The following KALRN variants were observed in gnomAD, a reference collection of about 807,000 sequenced individuals.
KALRN encodes the protein kalirin.
A neutral mutation model predicts 353.7 loss-of-function variants in KALRN; 70 were observed. The ratio of observed to expected loss-of-function variants is 0.20; its 90% CI spans 0.16 to 0.24. The LOEUF (loss-of-function observed/expected upper bound fraction) is 0.24. KALRN is among the 10% of genes least tolerant of loss of function. KALRN has a pLI of 1.00. For synonymous variants in KALRN, 1,391 were observed against 1,434.8 expected (o/e 0.97, Z 0.69); for missense variants, 2,791 against 3,756.7 (o/e 0.74, Z 6.72).
intron 28 of KALRN, among the ~76,000 whole-genome samples, chr3:124,485,090 C>A (rs144181320): frequency 2.6e-5 from 4 of 151,782 alleles, no homozygotes; most frequent in Admixed American, 6.6e-5. Context: ...GGTGAGACTC[C>A]GTCTCAAAAA....
chr3:124,322,423 T>C (rs2079430799), intron 6 of KALRN, among the ~76,000 whole-genome samples: 1 of 152,226 alleles, frequency 6.6e-6, no homozygotes, highest in Admixed American at 6.5e-5. Flanking sequence ...CCAGTGATTT[T>C]AATGCCCTTG....
chr3:124,123,991 C>T (rs975590175), intron 1 of KALRN, among the ~76,000 whole-genome samples: 7 of 152,232 alleles, frequency 4.6e-5, no homozygotes, highest in Admixed American at 4.6e-4. Flanking sequence ...TGCCTGCTAA[C>T]ACAACATCCT....
chr3:124,153,605 T>G (rs1473997567), intron 1 of KALRN, among the ~76,000 whole-genome samples: 1 of 151,218 alleles, frequency 6.6e-6, no homozygotes, highest in African/African-American at 2.4e-5. Flanking sequence ...TATAGCAGCA[T>G]GATTTATAAT....
At chr3:124,158,809 G>A (rs541850312) in intron 1 of KALRN, among the ~76,000 whole-genome samples, 5 of 152,156 alleles carry the variant, frequency 3.3e-5, no homozygotes, top group African/African-American at 1.2e-4. Flanking sequence ...TAAAGCTCTG[G>A]CTCTGGAGCC....
Position 124,721,392 on chromosome 3 carries a change from A to G in KALRN, c.*1922A>G, listed in dbSNP as rs1440710508. The G allele has an allele frequency of 6.6e-6, 1 of 152,210 alleles. No individual in the cohort carries two copies. The highest frequency in any genetic ancestry group is 1.5e-5 in the Non-Finnish European group (1 of 68,028). 9.4% of individuals were successfully genotyped at this position (152,210 alleles called of 1,614,324 possible). A position where few individuals can be genotyped will look rare whatever the true frequency, so the allele number is the denominator to read the frequency against. On this transcript the variant is annotated 3_prime_UTR_variant, in exon 60 of 60. Coordinates refer to ENST00000682506, the MANE Select transcript of KALRN (RefSeq NM_001388419.1). ...CTGGGTCATAAAGCCTCACTCCCTC[A>G]GAGGTCTCTCGACTAACCCCTATAG... is the stretch of plus-strand genomic sequence containing the variant.
At position 124,456,728 on chromosome 3, in the gene KALRN, A is replaced by AGTAC; in HGVS notation, c.3854+3_3854+6dup. ...AAGCGGAAGTCAGCCCGGAAGAAAG[A>AGTAC]GTACGTGTTGGCTTCCGCCCAGCTA... On this transcript the variant is annotated frameshift_variant and splice_region_variant. Transcript: ENST00000682506. LOFTEE classifies it high-confidence loss of function. 6.2e-7 allele frequency: 1 copy of AGTAC among 1,609,494 alleles called. No homozygotes were observed. Among genetic ancestry groups the AGTAC allele is most frequent in the African/African-American group, 1.3e-5 (1 of 74,924 alleles).
At chr3:124,207,574 A>G (rs768797171) in intron 1 of KALRN, among the ~76,000 whole-genome samples, 1 of 152,172 alleles carries the variant, frequency 6.6e-6, no homozygotes, top group Non-Finnish European at 1.5e-5. Flanking sequence ...AGACAGATCT[A>G]TATGTATGAG....
chr3:124,425,857 A>G (rs2092991653), intron 15 of KALRN, among the ~76,000 whole-genome samples: 1 of 152,210 alleles, frequency 6.6e-6, no homozygotes, highest in Non-Finnish European at 1.5e-5. Context: ...GACTGTCTAT[A>G]TATAAATAAT....
chr3:124,051,002 A>G (rs1185116022), intron 1 of KALRN, among the ~76,000 whole-genome samples: 1 of 152,246 alleles, frequency 6.6e-6, no homozygotes, highest in African/African-American at 2.4e-5. Flanking sequence ...TATTTTAAAA[A>G]GTATTACCCT....
At chr3:124,205,304 C>G (rs2076318562) in intron 1 of KALRN, among the ~76,000 whole-genome samples, 1 of 152,186 alleles carries the variant, frequency 6.6e-6, no homozygotes, top group Admixed American at 6.5e-5. Flanking sequence ...GAAACCAGAA[C>G]AAGCAGGCTC....
At chr3:124,268,656 T>G in intron 4 of KALRN, 87 bp from the exon 5 acceptor site, 1 of 1,379,546 alleles carries the variant, frequency 7.2e-7, no homozygotes, top group Non-Finnish European at 1.0e-6. Flanking sequence ...ATTATGTGGA[T>G]TTATCTTGTC....
intron 34 of KALRN, among the ~76,000 whole-genome samples, chr3:124,586,426 G>A (rs920410798): frequency 6.6e-6 from 1 of 152,188 alleles, no homozygotes; most frequent in African/African-American, 2.4e-5. Flanking sequence ...GAGTCCAGAT[G>A]TGTGACAGCC....
chr3:124,512,543 C>T (rs1042625619), intron 33 of KALRN, among the ~76,000 whole-genome samples: 4 of 152,086 alleles, frequency 2.6e-5, no homozygotes, highest in African/African-American at 9.7e-5. Context: ...CCCAGCTACT[C>T]AGGAGGCTGA....
intron 10 of KALRN, among the ~76,000 whole-genome samples, chr3:124,357,965 A>G (rs941535481): frequency 6.6e-6 from 1 of 152,168 alleles, no homozygotes; most frequent in African/African-American, 2.4e-5. Context: ...TCTAAGAATG[A>G]TAAGAGAGGT....
Position 124,140,435 on chromosome 3 carries a change from T to A in KALRN, c.74-87555T>A, listed in dbSNP as rs558263044. ...GCTGCATTTATAGAGCTCTTCTCTGTCTCTGTCAGACCTTATCTTGAGGAT... is the reference window on the plus strand; with the variant it reads ...GCTGCATTTATAGAGCTCTTCTCTGACTCTGTCAGACCTTATCTTGAGGAT... On this transcript the variant is annotated intron_variant, in intron 1 of 59. Coordinates refer to ENST00000682506, the MANE Select transcript of KALRN (RefSeq NM_001388419.1). Among the ~76,000 whole-genome samples the A allele has an allele frequency of 3.3e-5, 5 of 152,350 alleles. No individual in the cohort carries two copies. The East Asian group carries it at 9.6e-4, about 29-fold the overall frequency.
At chr3:124,666,681 C>G (rs749812653) in intron 46 of KALRN, 47 bp downstream of exon 46, 1 of 1,506,968 alleles carries the variant, frequency 6.6e-7, no homozygotes, top group Non-Finnish European at 9.2e-7. Context: ...GAGCCCAGTT[C>G]TTGGGAGCTG....
In KALRN at chr3:124,496,337, A is replaced by C; in HGVS notation, c.4859A>C (p.Gln1620Pro). 6.2e-7 allele frequency: 1 copy of C among 1,605,322 alleles called. No individual in the cohort carries two copies. The highest frequency in any genetic ancestry group is 8.5e-7 in the Non-Finnish European group (1 of 1,176,058). Residue 1620 changes from glutamine to proline, a missense_variant, in exon 33 of 60, where the codon CAG (glutamine) becomes CCG (proline). By Grantham distance (76) the Gln-to-Pro change is moderately conservative. Transcript: ENST00000682506. The stretch of plus-strand genomic sequence containing the variant: ...GATGGAGTGGAGGATATTGACAGCC[A>C]GGGGGATGGGAGCAGCCAACCAGAC... ...KRDGVEDIDS[Q>P]GDGSSQPDTI...
At chr3:124,327,640 C>T (rs186618594) in intron 7 of KALRN, among the ~76,000 whole-genome samples, 12 of 152,306 alleles carry the variant, frequency 7.9e-5, no homozygotes, top group Admixed American at 1.3e-4. Flanking sequence ...TTCTAACACA[C>T]CACTGCTAAA....
chr3:124,152,350 C>A, intron 1 of KALRN: 1 of 1,206,308 alleles, frequency 8.3e-7, no homozygotes, highest in Non-Finnish European at 1.2e-6. Flanking sequence ...GAAGATTTGA[C>A]GAAGGCGAAG....
Sources: gnomAD v4.1 joint callset for allele counts (sites outside exome capture counted in the v4.1 genomes callset) on GRCh38, gnomAD v4.1.1 for gene constraint, MANE v1.5 for transcripts, NCBI Gene and HGNC (gene_info 2026-07-23, HGNC 2026-07-21) for gene names.